Variants in ERG observed in about 807,000 individuals in gnomAD.
ERG encodes transcriptional regulator ERG.
Under a neutral mutation model 55.3 loss-of-function variants are expected in ERG, and 9 were observed. The ratio of observed to expected loss-of-function variants is 0.16; its 90% confidence interval spans 0.10 to 0.28. ERG has a LOEUF of 0.28. Among genes scored for constraint, ERG ranks in the 10% least tolerant of loss-of-function variants. The pLI is 1.00. For missense variants in ERG, 434 were observed against 631.6 expected (o/e 0.69, Z 3.35); for synonymous variants, 223 against 237.3 (o/e 0.94, Z 0.55).
intron 1 of ERG, among the ~76,000 whole-genome samples, chr21:38,634,991 A>G (rs2060379510): frequency 6.6e-6 from 1 of 152,236 alleles, no homozygotes; most frequent in Non-Finnish European, 1.5e-5. Flanking sequence ...GAGCCGCCAA[A>G]CCACGAAAAA....
At chr21:38,546,130 C>T (rs779873720) in intron 2 of ERG, among the ~76,000 whole-genome samples, 9 of 152,180 alleles carry the variant, frequency 5.9e-5, no homozygotes, top group Non-Finnish European at 1.0e-4. Flanking sequence ...TGCCCTGGTC[C>T]ATCTCCCAGA....
At chr21:38,603,333 G>T (rs1049447263) in intron 1 of ERG, among the ~76,000 whole-genome samples, 3 of 152,076 alleles carry the variant, frequency 2.0e-5, no homozygotes, top group African/African-American at 7.3e-5. Context: ...AAAACAAACA[G>T]ATTGGGGCCA....
the ERG span, among the ~76,000 whole-genome samples, chr21:38,372,508 G>A: frequency 6.6e-6 from 1 of 151,348 alleles, no homozygotes; most frequent in Non-Finnish European, 1.5e-5. Context: ...TGTTTTAGCT[G>A]TATACCACAA....
rs556273365 is a variant in ERG at position 38,384,011 on chromosome 21, T to C, written c.920-88A>G. The C allele has an allele frequency of 8.3e-5, 125 of 1,499,362 alleles. 1 individual carries two copies. The South Asian group carries it at 1.5e-3, about 18-fold the overall frequency. 92.9% of individuals were successfully genotyped at this position (1,499,362 alleles called of 1,614,324 possible). On this transcript the variant is annotated intron_variant, in intron 9 of 9. Coordinates refer to ENST00000288319, the MANE Select transcript of ERG (RefSeq NM_182918.4). Reference sequence around the variant, plus strand: ...TCTGTGATGACGGAAGGAGGTGCTATTGGTGTGCCGCCCACATTCCCTTCA... The same window carrying C: ...TCTGTGATGACGGAAGGAGGTGCTACTGGTGTGCCGCCCACATTCCCTTCA...
intron 2 of ERG, 72 bp from the exon 3 acceptor site, chr21:38,423,633 C>T: frequency 6.8e-7 from 1 of 1,474,252 alleles, no homozygotes; most frequent in South Asian, 1.3e-5. Context: ...TCTCACAATA[C>T]ACAGAGAGAA....
At chr21:38,602,714 T>C (rs2060171814) in intron 1 of ERG, among the ~76,000 whole-genome samples, 1 of 151,928 alleles carries the variant, frequency 6.6e-6, no homozygotes, top group Non-Finnish European at 1.5e-5. Context: ...TTTTTTTCCC[T>C]CTCAAGCCAT....
At chr21:38,516,133 A>T (rs1057460919) in intron 2 of ERG, among the ~76,000 whole-genome samples, 1 of 152,084 alleles carries the variant, frequency 6.6e-6, no homozygotes, top group East Asian at 1.9e-4. Flanking sequence ...TCTTAGCCAG[A>T]GCAATCAGGC....
intron 2 of ERG, among the ~76,000 whole-genome samples, chr21:38,571,623 C>G (rs1285851154): frequency 6.6e-6 from 1 of 152,152 alleles, no homozygotes; most frequent in Non-Finnish European, 1.5e-5. Context: ...ACTATTATCA[C>G]TGACAGAGAA....
intron 2 of ERG, among the ~76,000 whole-genome samples, chr21:38,523,847 C>T (rs966122846): frequency 2.0e-5 from 3 of 152,222 alleles, no homozygotes; most frequent in Non-Finnish European, 4.4e-5. Flanking sequence ...GGTGCCTCCA[C>T]TCTCCTCCGT....
upstream of ERG, among the ~76,000 whole-genome samples, chr21:38,501,880 A>G (rs1601146683): frequency 2.0e-5 from 3 of 152,374 alleles, no homozygotes; most frequent in South Asian, 6.2e-4. Context: ...ATAATATAAC[A>G]TAAATATACC....
chr21:38,589,080 C>G (rs1282750930), upstream of ERG, among the ~76,000 whole-genome samples: 1 of 152,166 alleles, frequency 6.6e-6, no homozygotes, highest in African/African-American at 2.4e-5. Context: ...CCCCAAAACA[C>G]TAGACAAGAG....
At chr21:38,400,714 C>A in intron 5 of ERG, 69 bp from the exon 6 acceptor site, 2 of 1,212,952 alleles carry the variant, frequency 1.6e-6, no homozygotes, top group South Asian at 2.7e-5. Context: ...ACATCAGCGC[C>A]AAATCTACTT....
chr21:38,541,575 TCAAA>T (rs1281954942), intron 2 of ERG, among the ~76,000 whole-genome samples: 2 of 152,280 alleles, frequency 1.3e-5, no homozygotes, highest in African/African-American at 2.4e-5. Context: ...GGCAATAAAG[TCAAA>T]CAAATAGAAT....
At chr21:38,487,484 C>T (rs2059297228) in intron 1 of ERG, among the ~76,000 whole-genome samples, 1 of 152,116 alleles carries the variant, frequency 6.6e-6, no homozygotes, top group African/African-American at 2.4e-5. Flanking sequence ...AATCCCTAGC[C>T]AGGCAAGGGA....
rs1987460345 is a variant in ERG, at chr21:38,381,968, A to G, written c.*1435T>C. 1.9e-6 allele frequency: 2 copies of G among 1,062,210 alleles called. No homozygotes were observed. Among genetic ancestry groups the G allele is most frequent in the African/African-American group, 1.6e-5 (1 of 60,990 alleles). 65.8% of individuals were successfully genotyped at this position (1,062,210 alleles called of 1,614,324 possible). ...ACACAAAATCCACAACATTCAGCAC[A>G]TGTTTTCATTAAGCAACTTTAGTCA... On this transcript the variant is annotated 3_prime_UTR_variant, in exon 10 of 10. Transcript: ENST00000288319.
At chr21:38,563,537 G>T (rs2146839737) in intron 2 of ERG, among the ~76,000 whole-genome samples, 2 of 152,296 alleles carry the variant, frequency 1.3e-5, no homozygotes, top group Middle Eastern at 6.8e-3. Flanking sequence ...GCTATAAATT[G>T]GTTGTATGGT....
At chr21:38,583,662 G>T (rs2146880554) in intron 1 of ERG, among the ~76,000 whole-genome samples, 1 of 152,284 alleles carries the variant, frequency 6.6e-6, no homozygotes, top group South Asian at 2.1e-4. Context: ...GAGAGGTAGG[G>T]CCTTTACAGA....
intron 1 of ERG, among the ~76,000 whole-genome samples, chr21:38,480,146 T>A (rs2059224174): frequency 6.6e-6 from 1 of 152,206 alleles, no homozygotes; most frequent in Non-Finnish European, 1.5e-5. Context: ...GGGGAATTCA[T>A]GTCCTGGGTG....
At chr21:38,603,670 AC>A (rs2060178414) in intron 1 of ERG, among the ~76,000 whole-genome samples, 1 of 151,928 alleles carries the variant, frequency 6.6e-6, no homozygotes, top group South Asian at 2.1e-4. Context: ...TCGAGATATC[AC>A]CCAAGGCAGG....
Sources: gnomAD v4.1 joint callset for allele counts (sites outside exome capture counted in the v4.1 genomes callset) on GRCh38, gnomAD v4.1.1 for gene constraint, MANE v1.5 for transcripts, NCBI Gene and HGNC (gene_info 2026-07-23, HGNC 2026-07-21) for gene names.